Variants in ERICH3 observed in about 807,000 individuals in gnomAD.
ERICH3 encodes glutamate rich 3.
Under a neutral mutation model 131.1 loss-of-function variants are expected in ERICH3, and 126 were observed. The observed-to-expected ratio is 0.96, with a 90% confidence interval of 0.83 to 1.11. The LOEUF (loss-of-function observed/expected upper bound fraction) is 1.11, where lower values mean the gene tolerates loss of function less well. Ranked by LOEUF, ERICH3 falls within the 50% of genes most tolerant of loss-of-function variation. ERICH3 has a pLI of 0.00. For synonymous variants in ERICH3, 695 were observed against 644.6 expected, an observed-to-expected ratio of 1.08 and a Z score of -1.18; for missense variants, 2,050 against 1,810.7, an observed-to-expected ratio of 1.13 and a Z score of -2.40.
intron 1 of ERICH3, among the ~76,000 whole-genome samples, chr1:74,653,048 C>T (rs1443278691): frequency 6.6e-6 from 1 of 152,082 alleles, no homozygotes; most frequent in African/African-American, 2.4e-5. Flanking sequence ...GGGGTGCTAC[C>T]TTCCCAGCTG....
intron 4 of ERICH3, among the ~76,000 whole-genome samples, chr1:74,642,402 CTT>C (rs1646444990): frequency 6.6e-6 from 1 of 152,062 alleles, no homozygotes. Context: ...TTACAAATGA[CTT>C]AAGAAACTGA....
In ERICH3 at chr1:74,572,883, C is replaced by T. The variant is rs764159125; in HGVS notation, c.2827G>A (p.Gly943Arg). Residue 943 changes from glycine to arginine, a missense_variant, in exon 14 of 15, where the codon GGA becomes AGA. Coordinates refer to ENST00000326665, the MANE Select transcript of ERICH3 (RefSeq NM_001002912.5). ...ATGGATGCTTCCTCTTCACTTTCTC[C>T]GACATCACTCACAGCCACCCCACCC... ...AEGGVAVSDV[G>R]ESEEEASIDL... 14 of 1,613,898 alleles carry T rather than the reference C, an allele frequency of 8.7e-6. No individual in the cohort carries two copies. The highest frequency in any genetic ancestry group is 3.3e-4 in the Middle Eastern group (2 of 6,060).
At chr1:74,615,716 T>C (rs1173646925) in intron 8 of ERICH3, among the ~76,000 whole-genome samples, 1 of 152,206 alleles carries the variant, frequency 6.6e-6, no homozygotes, top group Non-Finnish European at 1.5e-5. Context: ...GAAAAATTAC[T>C]GAACTTTAGG....
intron 5 of ERICH3, among the ~76,000 whole-genome samples, chr1:74,640,286 A>C (rs1252287581): frequency 1.3e-5 from 2 of 152,162 alleles, no homozygotes; most frequent in Non-Finnish European, 2.9e-5. Flanking sequence ...GCCATCCAAT[A>C]AAAGAATTTG....
intron 10 of ERICH3, among the ~76,000 whole-genome samples, 164 bp downstream of exon 10, chr1:74,606,437 A>G (rs1417879153): frequency 6.6e-6 from 1 of 151,864 alleles, no homozygotes; most frequent in Non-Finnish European, 1.5e-5. Flanking sequence ...GGTAGGTGAC[A>G]CAGGACTCCA....
At chr1:74,622,694 A>T (rs897187030) in intron 7 of ERICH3, 2 of 152,180 alleles carry the variant, frequency 1.3e-5, no homozygotes, top group African/African-American at 4.8e-5. Context: ...GCACTATATA[A>T]ATACTAGGTA....
intron 5 of ERICH3, 109 bp from the exon 6 acceptor site, chr1:74,636,547 T>C: frequency 1.9e-6 from 2 of 1,077,940 alleles, no homozygotes; most frequent in South Asian, 3.6e-5. Flanking sequence ...GCCTTTTTAC[T>C]GAACAGATTA....
At chr1:74,583,660 C>T (rs1232661206) in intron 12 of ERICH3, among the ~76,000 whole-genome samples, 1 of 152,062 alleles carries the variant, frequency 6.6e-6, no homozygotes, top group African/African-American at 2.4e-5. Flanking sequence ...AGAAGTAGAA[C>T]CACTAATACA....
At chr1:74,609,204 G>A (rs1325780994) in intron 9 of ERICH3, among the ~76,000 whole-genome samples, 1 of 152,016 alleles carries the variant, frequency 6.6e-6, no homozygotes, top group Non-Finnish European at 1.5e-5. Flanking sequence ...GATGAGTACA[G>A]TTGTGGAACC....
chr1:74,590,393 C>T (rs1475765965), intron 11 of ERICH3, among the ~76,000 whole-genome samples: 1 of 152,114 alleles, frequency 6.6e-6, no homozygotes, highest in Non-Finnish European at 1.5e-5. Context: ...AGTAATTATA[C>T]AACTGACAAT....
chr1:74,667,103 T>A lies in ERICH3; in HGVS notation c.23+6394A>T, dbSNP rs189052427. On this transcript the variant is annotated intron_variant, in intron 1 of 14. Coordinates refer to ENST00000326665, the MANE Select transcript of ERICH3 (RefSeq NM_001002912.5). ...GAATATGTTTACCTTAAATTTTTTTTAATTAAAAGCATAAATATATATCTG... is the reference window on the plus strand; with the variant it reads ...GAATATGTTTACCTTAAATTTTTTTAAATTAAAAGCATAAATATATATCTG... Among the ~76,000 whole-genome samples, 189 of 152,216 alleles carry A rather than the reference T, an allele frequency of 1.2e-3. 1 individual carries two copies. Among genetic ancestry groups the A allele is most frequent in the African/African-American group, 4.4e-3 (184 of 41,560 alleles).
At position 74,641,363 on chromosome 1, in the gene ERICH3, C is replaced by T. The variant is rs1371323192; in HGVS notation, c.412G>A (p.Val138Ile). 5.6e-6 allele frequency: 9 copies of T among 1,612,746 alleles called. No individual in the cohort carries two copies. The highest frequency in any genetic ancestry group is 7.6e-6 in the Non-Finnish European group (9 of 1,179,320). The change falls in exon 5 of 15, where the codon GTT becomes ATT. Residue 138 changes from valine to isoleucine, a missense_variant. Coordinates refer to ENST00000326665, the MANE Select transcript of ERICH3 (RefSeq NM_001002912.5). ...AACGGACTGGAATGTCCTTCATCAACCAGAACACTATGGCCACGATTACTC... is the reference window on the plus strand; with the variant it reads ...AACGGACTGGAATGTCCTTCATCAATCAGAACACTATGGCCACGATTACTC... Reference protein sequence around the residue: ...PKSNRGHSVLVDEGHSSPLAL... With the variant: ...PKSNRGHSVLIDEGHSSPLAL...
chr1:74,650,815 C>T (rs1646526456), intron 1 of ERICH3, among the ~76,000 whole-genome samples: 1 of 150,240 alleles, frequency 6.7e-6, no homozygotes, highest in Admixed American at 6.6e-5. Context: ...GAAGTGAAAT[C>T]ACGGATAAGA....
intron 11 of ERICH3, among the ~76,000 whole-genome samples, chr1:74,595,270 T>C (rs1647794534): frequency 6.6e-6 from 1 of 152,144 alleles, no homozygotes; most frequent in Admixed American, 6.6e-5. Flanking sequence ...ACAAGTGCTT[T>C]ATACTCAATA....
intron 4 of ERICH3, 125 bp downstream of exon 4, chr1:74,642,902 A>G: frequency 1.5e-6 from 1 of 669,490 alleles, no homozygotes; most frequent in Non-Finnish European, 2.5e-6. Flanking sequence ...GTGAACCATC[A>G]TTGACTTCAA....
chr1:74,596,580 C>G (rs1248823840), intron 11 of ERICH3, among the ~76,000 whole-genome samples: 1 of 152,032 alleles, frequency 6.6e-6, no homozygotes, highest in East Asian at 1.9e-4. Flanking sequence ...ACTTATTCTT[C>G]CTGTCTAACT....
intron 10 of ERICH3, among the ~76,000 whole-genome samples, chr1:74,606,339 A>G (rs537565179): frequency 6.6e-6 from 1 of 152,022 alleles, no homozygotes; most frequent in Non-Finnish European, 1.5e-5. Flanking sequence ...TAGAGTCTCT[A>G]ACTCACATTG....
chr1:74,609,329 C>G (rs1648575559), intron 9 of ERICH3, among the ~76,000 whole-genome samples: 1 of 151,920 alleles, frequency 6.6e-6, no homozygotes, highest in African/African-American at 2.4e-5. Flanking sequence ...ACCATGCCCT[C>G]CTTTTTCTCA....
chr1:74,627,075 T>G (rs1002547729), intron 7 of ERICH3, among the ~76,000 whole-genome samples: 4 of 152,180 alleles, frequency 2.6e-5, no homozygotes. Context: ...CTTAAATGAA[T>G]CTTTTCTATA....
Sources: gnomAD v4.1 joint callset for allele counts (sites outside exome capture counted in the v4.1 genomes callset) on GRCh38, gnomAD v4.1.1 for gene constraint, MANE v1.5 for transcripts, NCBI Gene and HGNC (gene_info 2026-07-23, HGNC 2026-07-21) for gene names.